The following MOSMO variants were observed in gnomAD, a reference collection of about 807,000 sequenced individuals.
The protein encoded by MOSMO is modulator of smoothened.
In MOSMO, 5 loss-of-function variants were observed where a neutral mutation model predicts 18.4. The observed-to-expected ratio is 0.27, with a 90% CI of 0.14 to 0.57. The LOEUF is 0.57. MOSMO is among the 20% of genes least tolerant of loss of function. MOSMO has a pLI of 0.92. For missense variants in MOSMO, 138 were observed against 211.8 expected, an observed-to-expected ratio of 0.65 and a Z score of 2.16; for synonymous variants, 82 against 82.3, an observed-to-expected ratio of 1.00 and a Z score of 0.02.
At chr16:22,062,790 G>C (rs1390328596) in intron 1 of MOSMO, among the ~76,000 whole-genome samples, 1 of 152,130 alleles carries the variant, frequency 6.6e-6, no homozygotes, top group South Asian at 2.1e-4. Context: ...TGAGGAAGCT[G>C]AGGTACACAG....
At chr16:22,062,635 T>A (rs189706097) in intron 1 of MOSMO, among the ~76,000 whole-genome samples, 28 of 152,256 alleles carry the variant, frequency 1.8e-4, no homozygotes, top group Non-Finnish European at 3.7e-4. Flanking sequence ...TTTCCTTTTT[T>A]AAAAGTATAT....
At chr16:22,024,917 A>C (rs959425324) in intron 1 of MOSMO, among the ~76,000 whole-genome samples, 30 of 152,042 alleles carry the variant, frequency 2.0e-4, no homozygotes, top group Non-Finnish European at 3.8e-4. Context: ...TGGGAGGCTG[A>C]GATGGGAGGA....
chr16:22,020,215 C>CAA (rs778322248), intron 1 of MOSMO, among the ~76,000 whole-genome samples: 1 of 101,806 alleles, frequency 9.8e-6, no homozygotes. Flanking sequence ...ACTCCATCTC[C>CAA]AAAAAAAAAA....
At chr16:22,075,735 G>A (rs1340877813) in intron 2 of MOSMO, 36 bp downstream of exon 2, 2 of 1,383,074 alleles carry the variant, frequency 1.4e-6, no homozygotes, top group Admixed American at 2.1e-5. Flanking sequence ...TGTCTAGAAG[G>A]CACCCACCCA....
chr16:22,060,857 G>T (rs1310408548), intron 1 of MOSMO, among the ~76,000 whole-genome samples: 2 of 150,876 alleles, frequency 1.3e-5, no homozygotes, highest in Non-Finnish European at 2.9e-5. Context: ...TGGGCAACAG[G>T]AGCAAAACTC....
intron 1 of MOSMO, among the ~76,000 whole-genome samples, chr16:22,046,024 C>T (rs1900302245): frequency 7.7e-6 from 1 of 130,356 alleles, no homozygotes; most frequent in Non-Finnish European, 1.6e-5. Context: ...CTATCTCTCC[C>T]CCCTCCCCCC....
intron 1 of MOSMO, among the ~76,000 whole-genome samples, chr16:22,061,638 T>G (rs1881985962): frequency 1.3e-5 from 2 of 152,186 alleles, no homozygotes; most frequent in Non-Finnish European, 2.9e-5. Flanking sequence ...GCGGAATGAA[T>G]GAAAGCTTGG....
intron 1 of MOSMO, among the ~76,000 whole-genome samples, chr16:22,069,725 G>T (rs992197911): frequency 1.3e-5 from 2 of 152,186 alleles, no homozygotes; most frequent in Non-Finnish European, 2.9e-5. Context: ...TCAGTAGGTT[G>T]AAGAGTGAAT....
chr16:22,056,365 C>CTTTTTTTTTTTTT (rs35642716), intron 1 of MOSMO, among the ~76,000 whole-genome samples: 24 of 54,622 alleles, frequency 4.4e-4, no homozygotes, highest in Admixed American at 8.8e-4. Flanking sequence ...TTCTTTCTTT[C>CTTTTTTTTTTTTT]TTTTTTTTTT....
chr16:22,023,498 T>C (rs909051143), intron 1 of MOSMO, among the ~76,000 whole-genome samples: 1 of 152,208 alleles, frequency 6.6e-6, no homozygotes, highest in Non-Finnish European at 1.5e-5. Flanking sequence ...CCTACTGTGC[T>C]ATTTCTTTTA....
intron 1 of MOSMO, among the ~76,000 whole-genome samples, chr16:22,047,758 C>G (rs1403446173): frequency 6.6e-6 from 1 of 152,120 alleles, no homozygotes; most frequent in Non-Finnish European, 1.5e-5. Context: ...CTCTGGGAAG[C>G]TGACACTGAG....
At chr16:22,035,777 C>G (rs773723386) in intron 1 of MOSMO, among the ~76,000 whole-genome samples, 1 of 152,142 alleles carries the variant, frequency 6.6e-6, no homozygotes, top group African/African-American at 2.4e-5. Context: ...CTTGTAACCT[C>G]CTTACATGCC....
chr16:22,078,974 C>A (rs1486303974), intron 2 of MOSMO, among the ~76,000 whole-genome samples: 1 of 152,074 alleles, frequency 6.6e-6, no homozygotes, highest in Non-Finnish European at 1.5e-5. Flanking sequence ...TGGTCATTTG[C>A]CCAAAATGAA....
At chr16:22,023,998 T>TATATATATATATATATATATAC (rs1899820213) in intron 1 of MOSMO, among the ~76,000 whole-genome samples, 1 of 85,798 alleles carries the variant, frequency 1.2e-5, no homozygotes, top group African/African-American at 8.3e-5. Flanking sequence ...TTGTACAAAT[T>TATATATATATATATATATATAC]ATATATATAT....
chr16:22,091,661 G>T (rs1901331744), downstream of MOSMO, among the ~76,000 whole-genome samples: 1 of 152,114 alleles, frequency 6.6e-6, no homozygotes, highest in Non-Finnish European at 1.5e-5. Context: ...AAAGTGCTGG[G>T]ATTACAGACA....
intron 1 of MOSMO, among the ~76,000 whole-genome samples, chr16:22,063,604 A>T (rs1256538292): frequency 6.6e-6 from 1 of 152,200 alleles, no homozygotes; most frequent in East Asian, 1.9e-4. Context: ...AGATATTGGG[A>T]TGTTTCTTTA....
At chr16:22,026,180 C>T (rs181972311) in intron 1 of MOSMO, among the ~76,000 whole-genome samples, 30 of 150,512 alleles carry the variant, frequency 2.0e-4, no homozygotes, top group Admixed American at 4.0e-4. Context: ...TGTATGATAA[C>T]TAAGTCTGGA....
At chr16:22,062,597 T>C (rs1265656372) in intron 1 of MOSMO, among the ~76,000 whole-genome samples, 5 of 152,038 alleles carry the variant, frequency 3.3e-5, no homozygotes, top group Non-Finnish European at 5.9e-5. Flanking sequence ...GGATTACAGA[T>C]GTGAGCTGAG....
chr16:22,072,582 C>T (rs545360457), intron 1 of MOSMO, among the ~76,000 whole-genome samples: 1 of 152,092 alleles, frequency 6.6e-6, no homozygotes, highest in African/African-American at 2.4e-5. Flanking sequence ...GAGGCCGAGA[C>T]GGGCGGATCA....
Sources: allele counts gnomAD v4.1 joint callset (sites outside exome capture counted in the v4.1 genomes callset), GRCh38; gene constraint gnomAD v4.1.1; transcripts MANE v1.5; gene names NCBI Gene and HGNC (gene_info 2026-07-23, HGNC 2026-07-21).